The following GPRC5C variants were observed in gnomAD, a reference collection of about 807,000 sequenced individuals.
GPRC5C encodes G protein-coupled receptor class C group 5 member C, also known as G protein-coupled receptor family C group 5 member C.
GPRC5C carries 22 observed loss-of-function variants against 31.4 expected under a neutral mutation model. The observed-to-expected ratio is 0.70, with a 90% CI of 0.50 to 1.00. The LOEUF (loss-of-function observed/expected upper bound fraction) is 1.00. GPRC5C is among the 50% of genes least tolerant of loss of function. The probability of loss-of-function intolerance (pLI) is 0.00; values close to 1 mark genes in which losing one functional copy is unlikely to be tolerated. For synonymous variants in GPRC5C, 249 were observed against 257.5 expected (o/e 0.97, Z 0.32); for missense variants, 557 against 597.2 (o/e 0.93, Z 0.70).
intron 1 of GPRC5C, among the ~76,000 whole-genome samples, chr17:74,437,377 G>A (rs931872450): frequency 2.6e-5 from 4 of 152,214 alleles, no homozygotes; most frequent in East Asian, 3.9e-4. Context: ...CCATTAGAAC[G>A]CCAGTTATTT....
At chr17:74,432,605 G>A (rs2055371241) in intron 1 of GPRC5C, 2 of 766,186 alleles carry the variant, frequency 2.6e-6, no homozygotes, top group Admixed American at 1.2e-4. Flanking sequence ...AGAGGCGGGG[G>A]GACTGGACAT....
intron 3 of GPRC5C, chr17:74,445,677 T>A (rs2055615852): frequency 6.6e-6 from 1 of 151,948 alleles, no homozygotes; most frequent in South Asian, 2.1e-4. Context: ...TAGTTTGGGG[T>A]CTGGGAGCTA....
intron 1 of GPRC5C, among the ~76,000 whole-genome samples, chr17:74,438,125 C>T (rs1567957855): frequency 6.8e-6 from 1 of 148,076 alleles, no homozygotes; most frequent in East Asian, 2.0e-4. Flanking sequence ...GCCTCGATCC[C>T]CTGGGCTCAG....
chr17:74,437,629 A>ATTTTTTTTTTTTTTT lies in GPRC5C; in HGVS notation c.-32-2115_-32-2101dup, dbSNP rs57390968. ...CTTTCACATAACAATTATGGACAGA[A>ATTTTTTTTTTTTTTT]TTTTTTTTTTTTTTTGCTTCTGTGT... is the stretch of plus-strand genomic sequence containing the variant. On this transcript the variant is annotated intron_variant, in intron 1 of 3. Coordinates refer to ENST00000392627, the MANE Select transcript of GPRC5C (RefSeq NM_022036.4). Among the ~76,000 whole-genome samples, 668 of 129,358 alleles carry ATTTTTTTTTTTTTTT rather than the reference A, an allele frequency of 5.2e-3. 22 individuals are homozygous for ATTTTTTTTTTTTTTT. The highest frequency in any genetic ancestry group is 0.018 in the South Asian group (74 of 4,020). The allele number at this position is 129,358 out of a possible 152,430, so 84.9% of individuals were successfully genotyped here. A position where few individuals can be genotyped will look rare whatever the true frequency, so the allele number is the denominator to read the frequency against.
At position 74,440,231 on chromosome 17, in the gene GPRC5C, G is replaced by A. The variant is rs113307150; in HGVS notation, c.455G>A (p.Arg152Gln). ...NFLARKNHGP[R>Q]GWVIFTVALL... Reference sequence around the variant, plus strand: ...CTGGCCCGGAAGAACCACGGGCCCCGGGGCTGGGTGATCTTCACTGTGGCT... The same window carrying A: ...CTGGCCCGGAAGAACCACGGGCCCCAGGGCTGGGTGATCTTCACTGTGGCT... The change falls in exon 2 of 4, where the codon CGG becomes CAG. Residue 152 changes from arginine (R) to glutamine (Q), a missense_variant. By Grantham distance (43) the Arg-to-Gln change is conservative. Coordinates refer to ENST00000392627, the MANE Select transcript of GPRC5C (RefSeq NM_022036.4). This position sits in a 1 kb window ranked among gnomAD's most constrained non-coding sequence, Gnocchi z 4.4. The A allele has an allele frequency of 0.015, 24,305 of 1,614,174 alleles. 256 individuals are homozygous for A. Among genetic ancestry groups the A allele is most frequent in the Admixed American group, 0.042 (2,509 of 60,022 alleles).
At chr17:74,435,063 G>GA (rs1363409578) in intron 1 of GPRC5C, among the ~76,000 whole-genome samples, 1 of 146,476 alleles carries the variant, frequency 6.8e-6, no homozygotes, top group Non-Finnish European at 1.5e-5. Flanking sequence ...ACTAAAAATA[G>GA]AAAAAATTAG....
At position 74,440,724 on chromosome 17, in the gene GPRC5C, G is replaced by C; in HGVS notation, c.948G>C (p.Met316Ile). The C allele has an allele frequency of 6.2e-7, 1 of 1,603,896 alleles. No individual in the cohort carries two copies. Among genetic ancestry groups the C allele is most frequent in the Non-Finnish European group, 8.5e-7 (1 of 1,172,108 alleles). The part of the protein sequence containing the change: ...SSPEQSYQGD[M>I]YPTRGVGYET... ...CAGAGCAAAGCTACCAGGGGGACAT[G>C]TACCCCACCCGGGGCGTGGGCTATG... The change falls in exon 2 of 4, where the codon ATG (methionine) becomes ATC (isoleucine). Residue 316 changes from methionine to isoleucine, a missense_variant. Transcript: ENST00000392627. The surrounding 1 kb of genome is among the most constrained non-coding windows in gnomAD (Gnocchi z 4.4).
chr17:74,447,224 G>C lies in GPRC5C; in HGVS notation c.*196G>C. 7.5e-7 allele frequency: 1 copy of C among 1,334,594 alleles called. No individual in the cohort carries two copies. Among genetic ancestry groups the C allele is most frequent in the Non-Finnish European group, 9.6e-7 (1 of 1,042,228 alleles). The allele number at this position is 1,334,594 out of a possible 1,614,324, so 82.7% of individuals were successfully genotyped here. On this transcript the variant is annotated 3_prime_UTR_variant, in exon 4 of 4. Transcript: ENST00000392627. The stretch of plus-strand genomic sequence containing the variant: ...CCACCCACTCCTCAGTGTTTGTGGA[G>C]TCGAGGAGCCAACCCCAGCCTCCTG...
rs930608295 is a variant in GPRC5C, at chr17:74,447,081, G to A, written c.*53G>A. 3.2e-6 allele frequency: 5 copies of A among 1,569,420 alleles called. No homozygotes were observed. The Admixed American group carries it at 8.9e-5, about 28-fold the overall frequency. On this transcript the variant is annotated 3_prime_UTR_variant, in exon 4 of 4. Coordinates refer to ENST00000392627, the MANE Select transcript of GPRC5C (RefSeq NM_022036.4). ...GATTTGGGGAGGGCCCTGAGGACCT[G>A]GCCCCGGGCAAGGGACTCTCCAGGC...
chr17:74,443,827 C>A lies in GPRC5C; in HGVS notation c.1061C>A (p.Pro354Gln). ...SMDEPVAAKR[P>Q]VSPYSGYNGQ... Reference sequence around the variant, plus strand: ...CTGCTTTTCCTTGTAGCTAAGAGGCCGGTGTCACCATACAGCGGGTACAAT... The same window carrying A: ...CTGCTTTTCCTTGTAGCTAAGAGGCAGGTGTCACCATACAGCGGGTACAAT... The change falls in exon 3 of 4, where the codon CCG (proline) becomes CAG (glutamine). Residue 354 changes from proline (P) to glutamine (Q), a missense_variant. Physicochemically the swap from Pro to Gln is moderately conservative, Grantham distance 76 (BLOSUM62 -1). Coordinates refer to ENST00000392627, the MANE Select transcript of GPRC5C (RefSeq NM_022036.4). 1.9e-6 allele frequency: 3 copies of A among 1,610,964 alleles called. No individual in the cohort carries two copies. The highest frequency in any genetic ancestry group is 2.5e-6 in the Non-Finnish European group (3 of 1,177,174).
intron 1 of GPRC5C, among the ~76,000 whole-genome samples, chr17:74,434,231 G>A (rs1311010362): frequency 1.3e-5 from 2 of 152,198 alleles, no homozygotes; most frequent in African/African-American, 2.4e-5. Context: ...CTGTGGGGTG[G>A]GGGAGACTCA....
intron 3 of GPRC5C, 131 bp from the exon 4 acceptor site, chr17:74,446,718 G>C (rs1162084732): frequency 2.8e-6 from 2 of 713,880 alleles, no homozygotes; most frequent in African/African-American, 1.8e-5. Context: ...CAGCCAGAGG[G>C]GGCAGAGGAG....
rs1180356054 is a variant in GPRC5C, at chr17:74,445,987, C to CT, written c.1147-862_1147-861insT. 1.9e-4 allele frequency: 3 copies of CT among 15,802 alleles called. 1 individual carries two copies. The highest frequency in any genetic ancestry group is 2.4e-3 in the East Asian group (1 of 418). 1.0% of individuals were successfully genotyped at this position (15,802 alleles called of 1,614,324 possible). The stretch of plus-strand genomic sequence containing the variant: ...CAGCCCTGGCAACGTAGTGAGACCC[C>CT]CCCCCCCCGCCCACCATCTCTACAA... On this transcript the variant is annotated intron_variant, in intron 3 of 3. Coordinates refer to ENST00000392627, the MANE Select transcript of GPRC5C (RefSeq NM_022036.4).
chr17:74,432,231 C>T (rs757182709), intron 1 of GPRC5C, 90 bp downstream of exon 1: 2 of 1,545,908 alleles, frequency 1.3e-6, no homozygotes, highest in East Asian at 2.4e-5. Context: ...CGATTAGCGC[C>T]CTGAATGGAG....
chr17:74,450,079 TG>T (rs1168532136), downstream of GPRC5C: 1 of 152,582 alleles, frequency 6.6e-6, no homozygotes, highest in African/African-American at 2.4e-5. Context: ...GGGCCAGCCC[TG>T]CCTGCACTCT....
chr17:74,448,327 A>G (rs2055673022), downstream of GPRC5C, among the ~76,000 whole-genome samples: 1 of 152,146 alleles, frequency 6.6e-6, no homozygotes. Context: ...TTTGTTCGGT[A>G]CTTATACTAA....
chr17:74,435,461 C>A (rs557229902), intron 1 of GPRC5C, among the ~76,000 whole-genome samples: 8 of 152,326 alleles, frequency 5.3e-5, no homozygotes, highest in Admixed American at 2.0e-4. Context: ...CAGGTTGTTT[C>A]CTCTGAGGCT....
At position 74,446,930 on chromosome 17, in the gene GPRC5C, G is replaced by C; in HGVS notation, c.1228G>C (p.Ala410Pro). 6.2e-7 allele frequency: 1 copy of C among 1,614,162 alleles called. No individual in the cohort carries two copies. Among genetic ancestry groups the C allele is most frequent in the Non-Finnish European group, 8.5e-7 (1 of 1,180,008 alleles). ...GGGCAGTGCCAACTCGACCCTGCGG[G>C]CTGAAGACATGTACTCGGCCCAGAG... ...VMGSANSTLR[A>P]EDMYSAQSHQ... Residue 410 changes from alanine (A) to proline (P), a missense_variant, in exon 4 of 4, where the codon GCT becomes CCT. Transcript: ENST00000392627.
chr17:74,434,991 G>A (rs576392431), intron 1 of GPRC5C, among the ~76,000 whole-genome samples: 8 of 152,166 alleles, frequency 5.3e-5, no homozygotes, highest in South Asian at 2.1e-4. Context: ...AGGCCGAAGC[G>A]GGCGGATCAC....
Sources: allele counts gnomAD v4.1 joint callset (sites outside exome capture counted in the v4.1 genomes callset), GRCh38; gene constraint gnomAD v4.1.1; non-coding constraint Gnocchi (gnomAD v3.1); transcripts MANE v1.5; gene names NCBI Gene and HGNC (gene_info 2026-07-23, HGNC 2026-07-21).